SGMS1: variants seen among roughly 807,000 people sequenced by gnomAD.
SGMS1 encodes sphingomyelin synthase 1, also known as phosphatidylcholine:ceramide cholinephosphotransferase 1.
SGMS1 carries 13 observed loss-of-function variants against 46.2 expected under a neutral mutation model. That is an observed-to-expected ratio of 0.28 (90% CI 0.18 to 0.45). The LOEUF (loss-of-function observed/expected upper bound fraction) is 0.45, where lower values mean the gene tolerates loss of function less well. Among genes scored for constraint, SGMS1 ranks in the 20% least tolerant of loss-of-function variants. The pLI is 1.00. For synonymous variants in SGMS1, 203 were observed against 187.8 expected (o/e 1.08, Z -0.66); for missense variants, 324 against 519.9 (o/e 0.62, Z 3.66).
intron 2 of SGMS1, among the ~76,000 whole-genome samples, chr10:50,586,258 G>A (rs1477731652): frequency 1.3e-5 from 2 of 152,124 alleles, no homozygotes; most frequent in Non-Finnish European, 2.9e-5. Flanking sequence ...GAGTTTGTTG[G>A]GTTGATATTT....
intron 6 of SGMS1, among the ~76,000 whole-genome samples, chr10:50,408,421 C>A (rs1444802173): frequency 4.4e-5 from 6 of 137,762 alleles, no homozygotes; most frequent in Non-Finnish European, 7.8e-5. Context: ...TATACTGAGA[C>A]CTCATCTCTT....
intron 5 of SGMS1, among the ~76,000 whole-genome samples, chr10:50,441,610 G>A (rs947830448): frequency 3.3e-5 from 5 of 152,218 alleles, no homozygotes; most frequent in African/African-American, 1.2e-4. Context: ...GAATGAACCT[G>A]CTCCTCTAAC....
chr10:50,412,043 C>T (rs1335558365), intron 6 of SGMS1, among the ~76,000 whole-genome samples: 1 of 152,128 alleles, frequency 6.6e-6, no homozygotes, highest in Non-Finnish European at 1.5e-5. Context: ...TGCTGTGCTC[C>T]CCTTGGGCAG....
At chr10:50,453,856 AGGGAGG>A (rs1837153115) in intron 5 of SGMS1, among the ~76,000 whole-genome samples, 2 of 26,684 alleles carry the variant, frequency 7.5e-5, no homozygotes, top group Non-Finnish European at 1.4e-4. Context: ...GGAGGGAGGG[AGGGAGG>A]GAGGAAGGAA....
At chr10:50,310,476 G>A (rs940939889) in intron 9 of SGMS1, among the ~76,000 whole-genome samples, 2 of 151,894 alleles carry the variant, frequency 1.3e-5, no homozygotes, top group Non-Finnish European at 2.9e-5. Context: ...ATAATTTGAG[G>A]GTAAATAGTG....
At chr10:50,624,348 A>G (rs1213308495), upstream of SGMS1, among the ~76,000 whole-genome samples, 2 of 152,088 alleles carry the variant, frequency 1.3e-5, no homozygotes, top group Non-Finnish European at 2.9e-5. Flanking sequence ...TTTGCGAACT[A>G]CTACTGGATT....
intron 5 of SGMS1, among the ~76,000 whole-genome samples, chr10:50,450,213 T>C (rs1837089148): frequency 1.3e-5 from 2 of 152,174 alleles, no homozygotes; most frequent in South Asian, 2.1e-4. Flanking sequence ...GGTTATTCTA[T>C]ATGATGAGAC....
At chr10:50,573,996 G>A (rs1005759133) in intron 2 of SGMS1, among the ~76,000 whole-genome samples, 1 of 152,118 alleles carries the variant, frequency 6.6e-6, no homozygotes, top group African/African-American at 2.4e-5. Context: ...ATTGAACCAT[G>A]TCTTACATCA....
chr10:50,582,498 T>C (rs1838444046), intron 2 of SGMS1, among the ~76,000 whole-genome samples: 1 of 152,202 alleles, frequency 6.6e-6, no homozygotes, highest in South Asian at 2.1e-4. Context: ...CACACCACAC[T>C]GAAGGGTTCA....
At chr10:50,341,102 T>C in intron 7 of SGMS1, 1 of 318,782 alleles carries the variant, frequency 3.1e-6, no homozygotes, top group Non-Finnish European at 6.2e-6. Flanking sequence ...GCTAAGAATA[T>C]CCCATAACCA....
Position 50,307,125 on chromosome 10 carries a change from C to T in SGMS1, c.*17G>A, listed in dbSNP as rs769466108. ...AGCACTTCGGACAATTTGTCTTTTC[C>T]CCACTTTGTACAGCTGTTATGTGTC... On this transcript the variant is annotated 3_prime_UTR_variant, in exon 11 of 11. Coordinates refer to ENST00000361781, the MANE Select transcript of SGMS1 (RefSeq NM_147156.4). This position sits in a 1 kb window ranked among gnomAD's most constrained non-coding sequence, Gnocchi z 4.2. The T allele has an allele frequency of 5.0e-6, 8 of 1,606,660 alleles. No individual in the cohort carries two copies. In the South Asian group the frequency reaches 5.5e-5, roughly 11 times the overall value.
intron 2 of SGMS1, among the ~76,000 whole-genome samples, chr10:50,558,707 C>A (rs1838209065): frequency 6.6e-6 from 1 of 152,288 alleles, no homozygotes; most frequent in East Asian, 1.9e-4. Context: ...TCCTCCTCCT[C>A]CTCCTCAGCC....
At chr10:50,440,683 G>A (rs1041174647) in intron 5 of SGMS1, among the ~76,000 whole-genome samples, 3 of 152,136 alleles carry the variant, frequency 2.0e-5, no homozygotes, top group Non-Finnish European at 4.4e-5. Context: ...GCTTGCTGCA[G>A]CCACGACTTC....
intron 6 of SGMS1, among the ~76,000 whole-genome samples, chr10:50,349,277 T>C (rs1847966121): frequency 6.6e-6 from 1 of 152,256 alleles, no homozygotes; most frequent in Non-Finnish European, 1.5e-5. Context: ...TTAAGGTCCT[T>C]CTCTGCAAAG....
At chr10:50,504,272 C>A (rs543120930) in intron 3 of SGMS1, among the ~76,000 whole-genome samples, 1 of 152,216 alleles carries the variant, frequency 6.6e-6, no homozygotes, top group African/African-American at 2.4e-5. Context: ...CCGGGTGGTG[C>A]CTGAGAATCT....
chr10:50,375,225 G>A (rs1437653011), intron 6 of SGMS1, among the ~76,000 whole-genome samples: 1 of 152,180 alleles, frequency 6.6e-6, no homozygotes, highest in Non-Finnish European at 1.5e-5. Context: ...TAAGAGGTGG[G>A]AAGGCAGACA....
intron 6 of SGMS1, among the ~76,000 whole-genome samples, chr10:50,362,241 A>G (rs1243867072): frequency 6.6e-6 from 1 of 152,238 alleles, no homozygotes; most frequent in African/African-American, 2.4e-5. Context: ...GTTTCAAAAT[A>G]AAGAAAAAGA....
At chr10:50,563,595 T>G (rs1458158605) in intron 2 of SGMS1, among the ~76,000 whole-genome samples, 1 of 149,924 alleles carries the variant, frequency 6.7e-6, no homozygotes, top group African/African-American at 2.5e-5. Flanking sequence ...TACAAAAAAT[T>G]AGCCGGGCGT....
intron 2 of SGMS1, among the ~76,000 whole-genome samples, chr10:50,589,239 A>G (rs1252287421): frequency 6.6e-6 from 1 of 152,174 alleles, no homozygotes; most frequent in Non-Finnish European, 1.5e-5. Flanking sequence ...TTATCTGTTC[A>G]TTAAAGAAAT....
Sources: allele counts gnomAD v4.1 joint callset (sites outside exome capture counted in the v4.1 genomes callset), GRCh38; gene constraint gnomAD v4.1.1; non-coding constraint Gnocchi (gnomAD v3.1); transcripts MANE v1.5; gene names NCBI Gene and HGNC (gene_info 2026-07-23, HGNC 2026-07-21).